The following ZFAT variants were observed in gnomAD, a reference collection of about 807,000 sequenced individuals.
ZFAT encodes the protein zinc finger and AT-hook domain containing.
ZFAT carries 64 observed loss-of-function variants against 117.7 expected under a neutral mutation model. The ratio of observed to expected loss-of-function variants is 0.54; its 90% CI spans 0.44 to 0.67. ZFAT has a LOEUF of 0.67. Ranked by LOEUF, ZFAT falls within the 30% of genes least tolerant of loss-of-function variation. The pLI is 0.00. For synonymous variants in ZFAT, 679 were observed against 615.0 expected, an observed-to-expected ratio of 1.10 and a Z score of -1.54; for missense variants, 1,433 against 1,584.5, an observed-to-expected ratio of 0.90 and a Z score of 1.62.
chr8:134,519,080 C>A (rs1279888457), intron 13 of ZFAT, among the ~76,000 whole-genome samples: 1 of 152,070 alleles, frequency 6.6e-6, no homozygotes, highest in Non-Finnish European at 1.5e-5. Context: ...GGTTGTTATT[C>A]CCAAGGGTTT....
chr8:134,773,610 T>G, the ZFAT span, among the ~76,000 whole-genome samples: 2 of 152,208 alleles, frequency 1.3e-5, no homozygotes, highest in Non-Finnish European at 2.9e-5. Flanking sequence ...GAGTGACCAT[T>G]CTAGATGCCA....
intron 3 of ZFAT, among the ~76,000 whole-genome samples, chr8:134,611,362 T>C (rs532609382): frequency 4.5e-4 from 68 of 152,342 alleles, no homozygotes; most frequent in African/African-American, 1.4e-3. Flanking sequence ...GGTGTTCCAA[T>C]CTAGGGACAG....
intron 3 of ZFAT, among the ~76,000 whole-genome samples, chr8:134,619,471 C>T (rs1003587286): frequency 6.6e-6 from 1 of 152,144 alleles, no homozygotes; most frequent in South Asian, 2.1e-4. Context: ...ACACATCTCA[C>T]ACAAACAGTC....
At chr8:134,652,955 A>C (rs1021076689) in intron 2 of ZFAT, among the ~76,000 whole-genome samples, 1 of 152,216 alleles carries the variant, frequency 6.6e-6, no homozygotes, top group African/African-American at 2.4e-5. Flanking sequence ...AATGATATTC[A>C]TGACAACATT....
the ZFAT span, among the ~76,000 whole-genome samples, chr8:134,831,785 GC>G: frequency 6.6e-6 from 1 of 151,906 alleles, no homozygotes; most frequent in African/African-American, 2.4e-5. Context: ...CCGGCCCCGA[GC>G]CCCCCACGAC....
chr8:134,819,280 A>AT, the ZFAT span, among the ~76,000 whole-genome samples: 2 of 151,344 alleles, frequency 1.3e-5, no homozygotes, highest in African/African-American at 2.4e-5. Flanking sequence ...GAAAAAAAAA[A>AT]GGAAAAAAAA....
chr8:134,826,928 A>G, the ZFAT span, among the ~76,000 whole-genome samples: 4 of 152,386 alleles, frequency 2.6e-5, no homozygotes, highest in South Asian at 8.3e-4. Context: ...ACCTAACAGT[A>G]GCATGAGTGG....
At chr8:134,491,470 G>A (rs756081494) in intron 15 of ZFAT, among the ~76,000 whole-genome samples, 1 of 152,206 alleles carries the variant, frequency 6.6e-6, no homozygotes, top group Non-Finnish European at 1.5e-5. Flanking sequence ...CAACACAAAT[G>A]TATCATTTTT....
the ZFAT span, chr8:134,796,913 C>T: frequency 1.3e-5 from 2 of 152,154 alleles, no homozygotes; most frequent in Non-Finnish European, 2.9e-5. Flanking sequence ...GTCTTCTGCA[C>T]ATCTAATCAT....
chr8:134,639,785 G>A (rs1220991289), intron 2 of ZFAT: 3 of 456,228 alleles, frequency 6.6e-6, no homozygotes, highest in Non-Finnish European at 8.8e-6. Flanking sequence ...CTCGTGTCAT[G>A]TCAGCTGAGT....
intron 1 of ZFAT, among the ~76,000 whole-genome samples, chr8:134,689,581 G>A (rs534244234): frequency 6.6e-6 from 1 of 152,336 alleles, no homozygotes; most frequent in East Asian, 1.9e-4. Context: ...CTACGATAGA[G>A]AGCAGAGGGA....
At chr8:134,515,742 C>G (rs1440623914) in intron 13 of ZFAT, among the ~76,000 whole-genome samples, 1 of 152,118 alleles carries the variant, frequency 6.6e-6, no homozygotes, top group Non-Finnish European at 1.5e-5. Flanking sequence ...AAAATTTTCT[C>G]CCATTCTGTA....
At chr8:134,750,533 TA>T in the ZFAT span, among the ~76,000 whole-genome samples, 7 of 152,022 alleles carry the variant, frequency 4.6e-5, no homozygotes, top group African/African-American at 9.7e-5. Context: ...ATATTTTTTT[TA>T]AAAATAATTA....
At position 134,601,529 on chromosome 8, in the gene ZFAT, G is replaced by T. The variant is rs1392234993; in HGVS notation, c.2190C>A (p.Ser730Arg). 2.5e-6 allele frequency: 4 copies of T among 1,614,224 alleles called. No homozygotes were observed. The highest frequency in any genetic ancestry group is 3.4e-6 in the Non-Finnish European group (4 of 1,180,030). ...NSLQKKQMNTSLCERIRKVYG... is the reference protein window; with the variant it reads ...NSLQKKQMNTRLCERIRKVYG... ...AAACCTTCCGGATCCGCTCACACAA[G>T]CTGGTGTTCATTTGCTTCTTCTGTA... Residue 730 changes from serine to arginine, a missense_variant, in exon 6 of 16, where the codon AGC becomes AGA. Ser to Arg is a moderately radical substitution (Grantham distance 110, BLOSUM62 -1). Coordinates refer to ENST00000377838, the MANE Select transcript of ZFAT (RefSeq NM_020863.4).
chr8:134,708,063 T>C (rs1016753640), intron 1 of ZFAT, among the ~76,000 whole-genome samples: 1 of 152,226 alleles, frequency 6.6e-6, no homozygotes, highest in African/African-American at 2.4e-5. Flanking sequence ...TGGAGAACAC[T>C]GTCCTAAGTA....
intron 15 of ZFAT, among the ~76,000 whole-genome samples, chr8:134,481,915 G>A (rs938520991): frequency 6.6e-6 from 1 of 152,196 alleles, no homozygotes; most frequent in Non-Finnish European, 1.5e-5. Flanking sequence ...GAACAGGCGT[G>A]TGCCCTACAG....
the ZFAT span, among the ~76,000 whole-genome samples, chr8:134,821,427 T>C: frequency 1.9e-3 from 292 of 152,126 alleles, 3 homozygotes; most frequent in African/African-American, 6.7e-3. Flanking sequence ...TCAGACCACA[T>C]CGGAAGTAGT....
intron 1 of ZFAT, chr8:134,673,302 T>G (rs1832646236): frequency 6.6e-6 from 1 of 152,606 alleles, no homozygotes; most frequent in South Asian, 2.1e-4. Flanking sequence ...CTGCTATCTG[T>G]GCAGAAAGAA....
intron 1 of ZFAT, among the ~76,000 whole-genome samples, chr8:134,706,795 T>G (rs1286443103): frequency 1.3e-5 from 2 of 151,974 alleles, no homozygotes; most frequent in African/African-American, 4.8e-5. Context: ...GAAAAAGTTC[T>G]GTATATTGTT....
Sources: gnomAD v4.1 joint callset for allele counts (sites outside exome capture counted in the v4.1 genomes callset) on GRCh38, gnomAD v4.1.1 for gene constraint, MANE v1.5 for transcripts, NCBI Gene and HGNC (gene_info 2026-07-23, HGNC 2026-07-21) for gene names.